Variants in MIA2 observed in about 807,000 individuals in gnomAD.
MIA2 encodes the protein melanoma inhibitory activity protein 2.
Under a neutral mutation model 167.8 loss-of-function variants are expected in MIA2, and 127 were observed. The ratio of observed to expected loss-of-function variants is 0.76; its 90% CI spans 0.66 to 0.88. MIA2 has a LOEUF of 0.88. Ranked by LOEUF, MIA2 falls within the 40% of genes least tolerant of loss-of-function variation. MIA2 has a pLI of 0.00. For synonymous variants in MIA2, 552 were observed against 541.9 expected (o/e 1.02, Z -0.26); for missense variants, 1,690 against 1,624.7 (o/e 1.04, Z -0.69).
intron 25 of MIA2, among the ~76,000 whole-genome samples, chr14:39,331,166 G>T (rs911639964): frequency 2.2e-4 from 34 of 152,090 alleles, no homozygotes; most frequent in African/African-American, 8.0e-4. Context: ...ATATAATTAG[G>T]GTAGTTAGCT....
In MIA2 at chr14:39,248,008, ATTGCCATT is replaced by A; in HGVS notation, c.1436_1443del (p.Leu479SerfsTer9). On this transcript the variant is annotated frameshift_variant, in exon 4 of 29. Coordinates refer to ENST00000640607, the MANE Select transcript of MIA2 (RefSeq NM_001329214.4). LOFTEE classifies it high-confidence loss of function. ...TCCAGAACATTCCAAAGGAAACAGA[ATTGCCATT>A]TCCCAAACAGATACTGGATCAAAAT... 6.3e-7 allele frequency: 1 copy of A among 1,576,578 alleles called. No individual in the cohort carries two copies. The highest frequency in any genetic ancestry group is 8.5e-7 in the Non-Finnish European group (1 of 1,170,450).
At chr14:39,296,685 G>T (rs1481057408) in intron 13 of MIA2, among the ~76,000 whole-genome samples, 9 of 147,960 alleles carry the variant, frequency 6.1e-5, no homozygotes, top group African/African-American at 2.0e-4. Flanking sequence ...TGCACATTGT[G>T]CAGGTTAGTT....
At chr14:39,356,028 T>G (rs2074515345), downstream of MIA2, among the ~76,000 whole-genome samples, 3 of 152,300 alleles carry the variant, frequency 2.0e-5, no homozygotes, top group South Asian at 6.2e-4. Flanking sequence ...TTTTGTTGTG[T>G]CTCTGCCAGG....
chr14:39,300,098 A>T, intron 14 of MIA2, 112 bp downstream of exon 14: 1 of 1,354,418 alleles, frequency 7.4e-7, no homozygotes, highest in Admixed American at 2.5e-5. Context: ...TTTTCATAAC[A>T]TATTTGGCCA....
chr14:39,296,185 GC>G (rs1296891926), intron 13 of MIA2, among the ~76,000 whole-genome samples: 1 of 151,956 alleles, frequency 6.6e-6, no homozygotes, highest in East Asian at 1.9e-4. Flanking sequence ...CCATATCTGA[GC>G]CCTTTTGCGG....
At chr14:39,253,209 C>T (rs1470833325) in intron 6 of MIA2, 38 bp downstream of exon 6, 1 of 1,601,446 alleles carries the variant, frequency 6.2e-7, no homozygotes, top group Admixed American at 1.7e-5. Context: ...ATAATTTTAC[C>T]TATTTTGCTA....
chr14:39,300,419 TGACTC>T lies in MIA2; in HGVS notation c.2619+434_2619+438del, dbSNP rs577036637. Among the ~76,000 whole-genome samples the T allele has an allele frequency of 3.9e-5, 6 of 152,268 alleles. No individual in the cohort carries two copies. The South Asian group carries it at 1.2e-3, about 32-fold the overall frequency. On this transcript the variant is annotated intron_variant, in intron 14 of 28. Coordinates refer to ENST00000640607, the MANE Select transcript of MIA2 (RefSeq NM_001329214.4). ...TTAAAAAATAAATTTAATTGAAACT[TGACTC>T]CAGTCATAAGAATAAAAGGATTTTT...
chr14:39,386,968 G>C (rs1462193519), exon 24 of MIA2: 2 of 780,602 alleles, frequency 2.6e-6, no homozygotes, highest in Admixed American at 4.8e-5. Context: ...AAGCATTGGC[G>C]GATGAGACTA....
intron 23 of MIA2, among the ~76,000 whole-genome samples, chr14:39,370,013 T>A (rs1837276374): frequency 1.3e-5 from 2 of 152,224 alleles, no homozygotes; most frequent in African/African-American, 4.8e-5. Flanking sequence ...AGCCCCTAGT[T>A]TAGCTCCTGA....
At chr14:39,290,909 A>G in intron 9 of MIA2, 110 bp from the exon 10 acceptor site, 1 of 1,001,704 alleles carries the variant, frequency 1.0e-6, no homozygotes. Flanking sequence ...ATCCAAGTAA[A>G]TTTAATGTAT....
chr14:39,293,032 A>G (rs8018717), intron 10 of MIA2, among the ~76,000 whole-genome samples: 86,100 of 152,028 alleles, frequency 0.57, 25,563 homozygotes, highest in South Asian at 0.67. Flanking sequence ...CTGCAGTGGC[A>G]TAGTTGAGTA....
intron 25 of MIA2, among the ~76,000 whole-genome samples, chr14:39,330,907 T>C (rs1375047603): frequency 6.6e-6 from 1 of 152,144 alleles, no homozygotes; most frequent in African/African-American, 2.4e-5. Context: ...GAATAAGTGC[T>C]ATGTGGCACT....
chr14:39,262,149 T>C (rs1005037663), intron 6 of MIA2, among the ~76,000 whole-genome samples: 7 of 152,210 alleles, frequency 4.6e-5, no homozygotes, highest in African/African-American at 7.2e-5. Flanking sequence ...CTTTAATCCA[T>C]CTTGAATTAA....
chr14:39,315,837 A>G, intron 21 of MIA2, 119 bp downstream of exon 21: 1 of 674,938 alleles, frequency 1.5e-6, no homozygotes, highest in Non-Finnish European at 2.4e-6. Flanking sequence ...AGTTTCTTTT[A>G]ATTTTACAAG....
At chr14:39,287,530 A>AT (rs987339476) in intron 9 of MIA2, among the ~76,000 whole-genome samples, 1 of 149,890 alleles carries the variant, frequency 6.7e-6, no homozygotes, top group Non-Finnish European at 1.5e-5. Flanking sequence ...CTTTCTTTTT[A>AT]TTTTTTTTCA....
chr14:39,381,914 G>C (rs1424254297), intron 23 of MIA2, among the ~76,000 whole-genome samples: 1 of 152,108 alleles, frequency 6.6e-6, no homozygotes, highest in African/African-American at 2.4e-5. Context: ...AGCTCTTAAT[G>C]GTAAGGAGAA....
At position 39,314,933 on chromosome 14, in the gene MIA2, T is replaced by G. The variant is rs1411478031; in HGVS notation, c.3180+134T>G. 1.7e-4 allele frequency: 107 copies of G among 616,904 alleles called. No homozygotes were observed. The East Asian group carries it at 3.5e-3, about 20-fold the overall frequency. 38.2% of individuals were successfully genotyped at this position (616,904 alleles called of 1,614,324 possible). ...TATACCTCTTTTGAGGTGTTGCATG[T>G]GGCTGTGGGACATTTCCCAGGAGCC... On this transcript the variant is annotated intron_variant, in intron 20 of 28. Transcript: ENST00000640607.
At chr14:39,263,933 C>A (rs2055281944) in intron 6 of MIA2, among the ~76,000 whole-genome samples, 1 of 152,120 alleles carries the variant, frequency 6.6e-6, no homozygotes, top group African/African-American at 2.4e-5. Flanking sequence ...CCACGCCCAG[C>A]CCTTCCTTTC....
In MIA2 at chr14:39,234,022, A is replaced by G; in HGVS notation, c.-93A>G. The stretch of plus-strand genomic sequence containing the variant: ...ACCCTTTTTCTCTTATAGTTAGTGA[A>G]GAGAGTAGAATATCTCCAGTTTTGG... On this transcript the variant is annotated 5_prime_UTR_variant, in exon 1 of 29. Coordinates refer to ENST00000640607, the MANE Select transcript of MIA2 (RefSeq NM_001329214.4). 1.5e-6 allele frequency: 1 copy of G among 649,436 alleles called. No homozygotes were observed. Among genetic ancestry groups the G allele is most frequent in the South Asian group, 2.2e-5 (1 of 44,560 alleles). 40.2% of individuals were successfully genotyped at this position (649,436 alleles called of 1,614,324 possible).
Sources: gnomAD v4.1 joint callset for allele counts (sites outside exome capture counted in the v4.1 genomes callset) on GRCh38, gnomAD v4.1.1 for gene constraint, MANE v1.5 for transcripts, NCBI Gene and HGNC (gene_info 2026-07-23, HGNC 2026-07-21) for gene names.